The following YWHAE variants were observed in gnomAD, a reference collection of about 807,000 sequenced individuals.
YWHAE encodes the protein 14-3-3 protein epsilon.
In YWHAE, 4 loss-of-function variants were observed where a neutral mutation model predicts 30.1. The ratio of observed to expected loss-of-function variants is 0.13; its 90% CI spans 0.07 to 0.30. YWHAE has a LOEUF of 0.30. Among genes scored for constraint, YWHAE ranks in the 10% least tolerant of loss-of-function variants. The pLI, the probability that YWHAE is intolerant of heterozygous loss-of-function variation, is 1.00. For synonymous variants in YWHAE, 118 were observed against 111.8 expected (o/e 1.06, Z -0.35); for missense variants, 121 against 315.9 (o/e 0.38, Z 4.68).
At position 1,357,402 on chromosome 17, in the gene YWHAE, C is replaced by CAAA. The variant is rs1195729330; in HGVS notation, c.579-3058_579-3056dup. Among the ~76,000 whole-genome samples, 307 of 80,236 alleles carry CAAA rather than the reference C, an allele frequency of 3.8e-3. 1 individual carries two copies. Among genetic ancestry groups the CAAA allele is most frequent in the Middle Eastern group, 6.9e-3 (1 of 144 alleles). 52.6% of individuals were successfully genotyped at this position (80,236 alleles called of 152,430 possible). The stretch of plus-strand genomic sequence containing the variant: ...TGGGGGACATAGCGAGACTCCGTCT[C>CAAA]AAAAAAAAAAAAAAAAAAATACAAA... On this transcript the variant is annotated intron_variant, in intron 4 of 5. Transcript: ENST00000264335.
intron 5 of YWHAE, among the ~76,000 whole-genome samples, chr17:1,350,020 T>C (rs1410470267): frequency 2.0e-5 from 3 of 151,302 alleles, no homozygotes; most frequent in Non-Finnish European, 4.4e-5. Context: ...CGGCGCGATC[T>C]CAGTTGATCA....
intron 5 of YWHAE, 109 bp from the exon 6 acceptor site, chr17:1,345,608 T>C (rs1158191990): frequency 2.0e-5 from 24 of 1,204,494 alleles, no homozygotes; most frequent in East Asian, 4.7e-5. Context: ...CTTGCTACAA[T>C]TGGTATTAAA....
chr17:1,371,996 G>A lies in YWHAE; in HGVS notation c.65-6938C>T, dbSNP rs565833377. On this transcript the variant is annotated intron_variant, in intron 1 of 5. Transcript: ENST00000264335. ...TGGGATTACAGGCGTCTGCCACCAC[G>A]CCCAGCTAATTTTTTGTATTTTTAG... 1.0e-3 allele frequency among the ~76,000 whole-genome samples: 152 copies of A among 152,108 alleles called. 3 individuals are homozygous for A. The highest frequency in any genetic ancestry group is 1.5e-3 in the Non-Finnish European group (103 of 67,994).
chr17:1,388,409 C>T (rs1027507887), intron 1 of YWHAE, among the ~76,000 whole-genome samples: 7 of 151,480 alleles, frequency 4.6e-5, no homozygotes, highest in African/African-American at 9.7e-5. Flanking sequence ...CCAGCTACTC[C>T]GGAGGCTGAG....
chr17:1,374,602 TA>T (rs1320880911), intron 1 of YWHAE, among the ~76,000 whole-genome samples: 1 of 152,152 alleles, frequency 6.6e-6, no homozygotes. Context: ...ACTTGTTAGT[TA>T]TTCTTTAAAC....
chr17:1,383,338 G>A (rs550783983), intron 1 of YWHAE, among the ~76,000 whole-genome samples: 51 of 151,338 alleles, frequency 3.4e-4, no homozygotes, highest in Admixed American at 9.9e-4. Flanking sequence ...CAACAAGAGC[G>A]AAACTCCGTT....
chr17:1,357,699 C>A (rs1017680642), intron 4 of YWHAE, among the ~76,000 whole-genome samples: 3 of 151,774 alleles, frequency 2.0e-5, no homozygotes, highest in African/African-American at 7.3e-5. Context: ...GCCGAGGTGG[C>A]TGGATCACTT....
chr17:1,351,712 G>C (rs1348874002), intron 5 of YWHAE, among the ~76,000 whole-genome samples: 1 of 152,020 alleles, frequency 6.6e-6, no homozygotes, highest in Non-Finnish European at 1.5e-5. Flanking sequence ...GCTCACTGCA[G>C]CCTCAAGATC....
chr17:1,346,790 T>G (rs1002578165), intron 5 of YWHAE, among the ~76,000 whole-genome samples: 4 of 151,508 alleles, frequency 2.6e-5, no homozygotes, highest in Admixed American at 1.3e-4. Flanking sequence ...ATCAAGACCA[T>G]CCTGGCTAAC....
At chr17:1,357,774 A>C (rs137865634) in intron 4 of YWHAE, among the ~76,000 whole-genome samples, 1 of 151,412 alleles carries the variant, frequency 6.6e-6, no homozygotes, top group African/African-American at 2.4e-5. Context: ...TAAAAATACA[A>C]AAATTAGCTG....
At chr17:1,361,471 T>C (rs964936282) in intron 3 of YWHAE, among the ~76,000 whole-genome samples, 173 bp from the exon 4 acceptor site, 1 of 152,062 alleles carries the variant, frequency 6.6e-6, no homozygotes, top group Non-Finnish European at 1.5e-5. Context: ...CTTCGTTTCA[T>C]TTTTTTCCTT....
chr17:1,388,117 G>GTTTTTTTTTTTTTTTTTTTTTTTTTTT (rs1491196737), intron 1 of YWHAE, among the ~76,000 whole-genome samples: 1 of 65,110 alleles, frequency 1.5e-5, no homozygotes, highest in Non-Finnish European at 2.3e-5. Flanking sequence ...TTTTTTGGTT[G>GTTTTTTTTTTTTTTTTTTTTTTTTTTT]GTTTTTTTTT....
intron 5 of YWHAE, among the ~76,000 whole-genome samples, chr17:1,348,206 G>A (rs540801068): frequency 6.6e-6 from 1 of 152,260 alleles, no homozygotes; most frequent in East Asian, 1.9e-4. Context: ...ATATCCTCTT[G>A]AAAGACATAC....
intron 1 of YWHAE, among the ~76,000 whole-genome samples, chr17:1,388,949 C>A (rs577318125): frequency 6.6e-6 from 1 of 152,234 alleles, no homozygotes; most frequent in Admixed American, 6.5e-5. Flanking sequence ...AAATACAAGT[C>A]ATTAATCCCA....
At chr17:1,347,631 T>C (rs933186641) in intron 5 of YWHAE, among the ~76,000 whole-genome samples, 1 of 152,034 alleles carries the variant, frequency 6.6e-6, no homozygotes, top group Non-Finnish European at 1.5e-5. Context: ...GACAATAACG[T>C]ATTCAAACGT....
At chr17:1,381,095 G>A (rs1721928194) in intron 1 of YWHAE, among the ~76,000 whole-genome samples, 1 of 152,150 alleles carries the variant, frequency 6.6e-6, no homozygotes, top group African/African-American at 2.4e-5. Flanking sequence ...TGATTAAATG[G>A]TCCAAGAGGC....
chr17:1,348,877 T>G (rs1329223664), intron 5 of YWHAE, among the ~76,000 whole-genome samples: 2 of 145,768 alleles, frequency 1.4e-5, no homozygotes, highest in Non-Finnish European at 3.0e-5. Flanking sequence ...CAAAAAAAAA[T>G]TAGCCGGGCA....
At chr17:1,364,580 T>A (rs151133942) in intron 2 of YWHAE, among the ~76,000 whole-genome samples, 7 of 152,224 alleles carry the variant, frequency 4.6e-5, no homozygotes, top group African/African-American at 1.4e-4. Context: ...AATACAATAG[T>A]TCCCCCTTAT....
intron 1 of YWHAE, among the ~76,000 whole-genome samples, chr17:1,394,853 G>A (rs1364678845): frequency 6.6e-6 from 1 of 151,908 alleles, no homozygotes; most frequent in African/African-American, 2.4e-5. Context: ...TGTAGTCCCA[G>A]CTACTCGGGA....
Sources: gnomAD v4.1 joint callset for allele counts (sites outside exome capture counted in the v4.1 genomes callset) on GRCh38, gnomAD v4.1.1 for gene constraint, MANE v1.5 for transcripts, NCBI Gene and HGNC (gene_info 2026-07-23, HGNC 2026-07-21) for gene names.